The following GRIN3A variants were observed in gnomAD, a reference collection of about 807,000 sequenced individuals.
GRIN3A encodes the protein glutamate receptor ionotropic, NMDA 3A.
In GRIN3A, 47 loss-of-function variants were observed where a neutral mutation model predicts 92.4. The observed-to-expected ratio is 0.51, with a 90% CI of 0.40 to 0.65. GRIN3A has a LOEUF of 0.65. Among genes scored for constraint, GRIN3A ranks in the 30% least tolerant of loss-of-function variants. The pLI is 0.00. For missense variants in GRIN3A, 1,324 were observed against 1,393.1 expected (o/e 0.95, Z 0.79); for synonymous variants, 527 against 540.6 (o/e 0.97, Z 0.35).
chr9:101,737,254 C>T (rs1172487588), intron 1 of GRIN3A, 27 bp downstream of exon 1: 1 of 1,599,976 alleles, frequency 6.3e-7, no homozygotes, highest in Middle Eastern at 1.7e-4. Flanking sequence ...GCGCCCATCT[C>T]CACTCCACGC....
intron 3 of GRIN3A, among the ~76,000 whole-genome samples, chr9:101,640,615 G>A (rs747869762): frequency 1.3e-5 from 2 of 152,092 alleles, no homozygotes; most frequent in Non-Finnish European, 2.9e-5. Flanking sequence ...GTGTCCCCAC[G>A]CAGATCTCAA....
intron 3 of GRIN3A, among the ~76,000 whole-genome samples, chr9:101,657,236 G>A (rs1010084812): frequency 4.0e-5 from 6 of 151,896 alleles, no homozygotes; most frequent in African/African-American, 1.4e-4. Flanking sequence ...TGTTTCATGA[G>A]TGCCAATTCA....
intron 1 of GRIN3A, among the ~76,000 whole-genome samples, chr9:101,724,688 C>T (rs1055387210): frequency 9.2e-5 from 14 of 152,220 alleles, no homozygotes; most frequent in African/African-American, 3.4e-4. Flanking sequence ...TAATGAGTCT[C>T]ACACGATGTG....
At chr9:101,688,342 A>G (rs10521058) in intron 1 of GRIN3A, among the ~76,000 whole-genome samples, 7,361 of 152,306 alleles carry the variant, frequency 0.048, 589 homozygotes, top group African/African-American at 0.17. Context: ...AGGACTCCAC[A>G]GAGGTTTACA....
At chr9:101,671,543 C>T (rs945533131) in intron 2 of GRIN3A, among the ~76,000 whole-genome samples, 2 of 152,088 alleles carry the variant, frequency 1.3e-5, no homozygotes, top group African/African-American at 4.8e-5. Flanking sequence ...ATGTATCTAT[C>T]GATCTATCTA....
At position 101,573,438 on chromosome 9, in the gene GRIN3A, G is replaced by T; in HGVS notation, c.3084C>A (p.Ile1028=). Reference sequence around the variant, plus strand: ...GGTTTTGTCCTTCCTCATCACTAAAGATGTATTTCCGTCGGTTGTCATGAC... The same window carrying T: ...GGTTTTGTCCTTCCTCATCACTAAATATGTATTTCCGTCGGTTGTCATGAC... The part of the protein sequence containing the change: ...NLSHDNRRKY[I]FSDEEGQNQL... The change falls in exon 9 of 9, where the codon ATC becomes ATA. Residue 1028 remains isoleucine (I), a synonymous_variant. Transcript: ENST00000361820. 1 of 1,614,074 alleles carries T rather than the reference G, an allele frequency of 6.2e-7. No individual in the cohort carries two copies.
intron 3 of GRIN3A, among the ~76,000 whole-genome samples, chr9:101,652,673 G>A (rs997466105): frequency 2.6e-5 from 4 of 151,886 alleles, no homozygotes; most frequent in Admixed American, 2.0e-4. Context: ...CTTGAACTAG[G>A]GACACCTTGG....
intron 1 of GRIN3A, among the ~76,000 whole-genome samples, chr9:101,736,108 G>C (rs1433355640): frequency 6.6e-6 from 1 of 152,208 alleles, no homozygotes; most frequent in African/African-American, 2.4e-5. Context: ...AGTGGAAGAA[G>C]ATTGGAAATA....
chr9:101,633,008 G>T (rs553460573), intron 3 of GRIN3A, among the ~76,000 whole-genome samples: 8 of 152,224 alleles, frequency 5.3e-5, no homozygotes, highest in Admixed American at 2.0e-4. Flanking sequence ...CTGTCTATTT[G>T]TATGTGAATT....
intron 2 of GRIN3A, among the ~76,000 whole-genome samples, chr9:101,678,097 T>G (rs925299369): frequency 2.6e-5 from 4 of 152,048 alleles, no homozygotes; most frequent in African/African-American, 9.7e-5. Flanking sequence ...TCTCACTGAG[T>G]CATCTTTGAC....
chr9:101,656,672 C>T (rs1205073288), intron 3 of GRIN3A, among the ~76,000 whole-genome samples: 1 of 151,972 alleles, frequency 6.6e-6, no homozygotes, highest in East Asian at 2.0e-4. Context: ...TGACAAGCTC[C>T]TGGAGTTGCC....
rs975971863 is a variant in GRIN3A at position 101,662,637 on chromosome 9, A to G, written c.2352+7423T>C. Among the ~76,000 whole-genome samples the G allele has an allele frequency of 4.5e-4, 68 of 151,848 alleles. 1 individual carries two copies. The highest frequency in any genetic ancestry group is 1.6e-3 in the African/African-American group (66 of 41,506). The stretch of plus-strand genomic sequence containing the variant: ...ATATACTAATATATGTTTTTAAAAT[A>G]TTAATCAAAGAAACAAAAAAGTCCT... On this transcript the variant is annotated intron_variant, in intron 3 of 8. Transcript: ENST00000361820.
At chr9:101,642,060 T>G (rs1828873268) in intron 3 of GRIN3A, among the ~76,000 whole-genome samples, 2 of 152,180 alleles carry the variant, frequency 1.3e-5, no homozygotes, top group Non-Finnish European at 2.9e-5. Flanking sequence ...GGCATCATAA[T>G]ACTTGATTTC....
At chr9:101,662,318 T>C (rs1216360890) in intron 3 of GRIN3A, among the ~76,000 whole-genome samples, 1 of 151,738 alleles carries the variant, frequency 6.6e-6, no homozygotes, top group African/African-American at 2.4e-5. Context: ...TAAATATAAT[T>C]ATTGGTATTA....
intron 1 of GRIN3A, among the ~76,000 whole-genome samples, chr9:101,725,343 G>C (rs1830070766): frequency 6.6e-6 from 1 of 152,106 alleles, no homozygotes. Flanking sequence ...ATATTAAAAG[G>C]CTATTCAAAA....
chr9:101,706,086 T>G (rs1216158428), intron 1 of GRIN3A, among the ~76,000 whole-genome samples: 1 of 152,164 alleles, frequency 6.6e-6, no homozygotes, highest in African/African-American at 2.4e-5. Flanking sequence ...AGAAGCGACC[T>G]AGTCTGGGGA....
chr9:101,705,252 G>C (rs1157128201), intron 1 of GRIN3A, among the ~76,000 whole-genome samples: 1 of 152,048 alleles, frequency 6.6e-6, no homozygotes. Flanking sequence ...AAGAGCAGAG[G>C]AACAGAGCCG....
chr9:101,667,259 G>C (rs1053114824), intron 3 of GRIN3A, among the ~76,000 whole-genome samples: 1 of 151,634 alleles, frequency 6.6e-6, no homozygotes, highest in African/African-American at 2.4e-5. Flanking sequence ...TACAAAATAG[G>C]TATACTTTAT....
chr9:101,698,624 T>C (rs1035601513), intron 1 of GRIN3A, among the ~76,000 whole-genome samples: 8 of 152,182 alleles, frequency 5.3e-5, no homozygotes, highest in African/African-American at 1.7e-4. Context: ...CATAATGGTA[T>C]CTAAACATAT....
Sources: allele counts gnomAD v4.1 joint callset (sites outside exome capture counted in the v4.1 genomes callset), GRCh38; gene constraint gnomAD v4.1.1; transcripts MANE v1.5; gene names NCBI Gene and HGNC (gene_info 2026-07-23, HGNC 2026-07-21).